Variants in TBXAS1 observed in about 807,000 individuals in gnomAD.
TBXAS1 encodes the protein thromboxane A synthase 1, also known as thromboxane-A synthase.
TBXAS1 carries 48 observed loss-of-function variants against 60.7 expected under a neutral mutation model. That is an observed-to-expected ratio of 0.79 (90% CI 0.63 to 1.01). The LOEUF (loss-of-function observed/expected upper bound fraction) is 1.01. Ranked by LOEUF, TBXAS1 falls within the 50% of genes least tolerant of loss-of-function variation. TBXAS1 has a pLI of 0.00. For missense variants in TBXAS1, 685 were observed against 686.3 expected, an observed-to-expected ratio of 1.00 and a Z score of 0.02; for synonymous variants, 287 against 269.7, an observed-to-expected ratio of 1.06 and a Z score of -0.63.
At position 139,861,174 on chromosome 7, in the gene TBXAS1, C is replaced by CAAA. The variant is rs11336231; in HGVS notation, c.90-11046_90-11044dup. 2.5e-4 allele frequency among the ~76,000 whole-genome samples: 32 copies of CAAA among 130,014 alleles called. 1 individual carries two copies. The highest frequency in any genetic ancestry group is 7.4e-3 in the Middle Eastern group (2 of 272). The allele number at this position is 130,014 out of a possible 152,430, so 85.3% of individuals were successfully genotyped here. A position where few individuals can be genotyped will look rare whatever the true frequency, so the allele number is the denominator to read the frequency against. On this transcript the variant is annotated intron_variant, in intron 1 of 12. Coordinates refer to ENST00000448866, the MANE Select transcript of TBXAS1 (RefSeq NM_001061.7). The stretch of plus-strand genomic sequence containing the variant: ...GGGCAACAAGAGTGAAACTCTGTCT[C>CAAA]AAAAAAAAAAAAAAAAATTCTTCAC...
At chr7:139,780,051 G>C (rs2117214100) in intron 1 of TBXAS1, among the ~76,000 whole-genome samples, 2 of 152,280 alleles carry the variant, frequency 1.3e-5, no homozygotes, top group Middle Eastern at 3.4e-3. Context: ...TCAAATCCTA[G>C]CTCTTCCACT....
At chr7:140,002,922 G>A (rs1217244715) in intron 9 of TBXAS1, among the ~76,000 whole-genome samples, 7 of 151,958 alleles carry the variant, frequency 4.6e-5, no homozygotes, top group Non-Finnish European at 1.0e-4. Context: ...TCAGGAGTTC[G>A]AGACCAGCCT....
At position 139,956,437 on chromosome 7, in the gene TBXAS1, C is replaced by T. The variant is rs573129379; in HGVS notation, c.688+830C>T. Among the ~76,000 whole-genome samples, 8 of 152,362 alleles carry T rather than the reference C, an allele frequency of 5.3e-5. No individual in the cohort carries two copies. The South Asian group carries it at 1.7e-3, about 32-fold the overall frequency. ...CTGGGATTACAAGCGTGAGCCACCA[C>T]ACCAGGACTTATTTTATTTTTATTG... On this transcript the variant is annotated intron_variant, in intron 7 of 12. Transcript: ENST00000448866.
intron 3 of TBXAS1, among the ~76,000 whole-genome samples, chr7:139,892,142 G>A (rs1205235860): frequency 6.6e-6 from 1 of 152,144 alleles, no homozygotes; most frequent in Non-Finnish European, 1.5e-5. Flanking sequence ...TCCTACTCCC[G>A]AAGAGCTGAT....
At chr7:139,836,669 A>G (rs1799087240) in intron 1 of TBXAS1, among the ~76,000 whole-genome samples, 1 of 152,238 alleles carries the variant, frequency 6.6e-6, no homozygotes, top group Non-Finnish European at 1.5e-5. Context: ...TCAACCCAAG[A>G]TGAGTTAAAG....
At chr7:139,957,963 A>G (rs1279748006) in intron 8 of TBXAS1, among the ~76,000 whole-genome samples, 199 bp downstream of exon 8, 2 of 152,090 alleles carry the variant, frequency 1.3e-5, no homozygotes, top group African/African-American at 4.8e-5. Flanking sequence ...GGAGGGTGGG[A>G]CGGCAGAGAG....
At chr7:139,805,868 T>C (rs1456688851) in intron 4 of TBXAS1, among the ~76,000 whole-genome samples, 1 of 149,144 alleles carries the variant, frequency 6.7e-6, no homozygotes, top group African/African-American at 2.5e-5. Flanking sequence ...CAAGCAATTC[T>C]CCTGCTTCAG....
rs1569492516 is a variant in TBXAS1, at chr7:139,805,712, T to TCTCTCTC, written c.-80+18286_-80+18287insCTCTCTC. The stretch of plus-strand genomic sequence containing the variant: ...TTTCTTTCTTTCTTTCTTTCTTTCT[T>TCTCTCTC]TCTCTCTCTCTCTCTCTCTTTCTTT... On this transcript the variant is annotated intron_variant, in intron 4 of 16. Transcript: ENST00000336425. Among the ~76,000 whole-genome samples, 164 of 44,342 alleles carry TCTCTCTC rather than the reference T, an allele frequency of 3.7e-3. 2 individuals carry two copies. The highest frequency in any genetic ancestry group is 0.022 in the Middle Eastern group (2 of 92). The allele number at this position is 44,342 out of a possible 152,430, so 29.1% of individuals were successfully genotyped here.
intron 5 of TBXAS1, among the ~76,000 whole-genome samples, chr7:139,940,061 A>G (rs1212455556): frequency 3.9e-5 from 6 of 152,226 alleles, no homozygotes; most frequent in Non-Finnish European, 8.8e-5. Context: ...GGTGCCATCC[A>G]GAACAAGGAA....
intron 8 of TBXAS1, among the ~76,000 whole-genome samples, chr7:139,958,011 G>A (rs1052818115): frequency 1.3e-4 from 20 of 152,246 alleles, no homozygotes; most frequent in African/African-American, 4.8e-4. Flanking sequence ...GACACGGACG[G>A]GTAGAATTAA....
At chr7:139,958,342 T>C (rs920802168) in intron 8 of TBXAS1, among the ~76,000 whole-genome samples, 3 of 152,212 alleles carry the variant, frequency 2.0e-5, no homozygotes, top group Non-Finnish European at 2.9e-5. Flanking sequence ...ATTTGCACTA[T>C]GCTTGGCACA....
chr7:139,877,730 T>G (rs995338826), intron 3 of TBXAS1, among the ~76,000 whole-genome samples: 12 of 140,708 alleles, frequency 8.5e-5, no homozygotes, highest in African/African-American at 3.2e-4. Context: ...GTCTATTGCT[T>G]TTTTTTTTTT....
At chr7:139,867,360 C>T (rs1195581684) in intron 1 of TBXAS1, among the ~76,000 whole-genome samples, 2 of 152,226 alleles carry the variant, frequency 1.3e-5, no homozygotes, top group Admixed American at 1.3e-4. Context: ...CTGCACACCA[C>T]AGGAGAAGCC....
In TBXAS1 at chr7:139,944,201, C is replaced by CA. The variant is rs763145165; in HGVS notation, c.450+7894_450+7895insA. Reference sequence around the variant, plus strand: ...GCAGGGAGGAAGCAGTGAGTAGCACCGGAATTGAGCTCTGAAGATTTTGCT... The same window carrying CA: ...GCAGGGAGGAAGCAGTGAGTAGCACCAGGAATTGAGCTCTGAAGATTTTGCT... On this transcript the variant is annotated intron_variant, in intron 5 of 12. Transcript: ENST00000448866. 5.1e-4 allele frequency among the ~76,000 whole-genome samples: 77 copies of CA among 152,194 alleles called. 1 individual carries two copies. Among genetic ancestry groups the CA allele is most frequent in the Admixed American group, 1.0e-3 (16 of 15,278 alleles).
chr7:139,957,952 G>C (rs368848118), intron 8 of TBXAS1, among the ~76,000 whole-genome samples, 188 bp downstream of exon 8: 2 of 152,258 alleles, frequency 1.3e-5, no homozygotes, highest in African/African-American at 4.8e-5. Context: ...AGACAAGAAA[G>C]GGAGGGTGGG....
chr7:139,800,462 A>C (rs561262737), intron 4 of TBXAS1, among the ~76,000 whole-genome samples: 1 of 152,100 alleles, frequency 6.6e-6, no homozygotes, highest in Non-Finnish European at 1.5e-5. Context: ...AAATATCTTC[A>C]GAGAAGCCCT....
chr7:139,976,723 T>C (rs1811589507), intron 9 of TBXAS1, among the ~76,000 whole-genome samples: 1 of 152,152 alleles, frequency 6.6e-6, no homozygotes, highest in Non-Finnish European at 1.5e-5. Context: ...GAGTGAGGCC[T>C]GGGCTTCTTA....
chr7:139,801,918 T>G (rs1797733695), intron 4 of TBXAS1, among the ~76,000 whole-genome samples: 1 of 152,168 alleles, frequency 6.6e-6, no homozygotes. Context: ...TGCACGCCAC[T>G]GTGTCTGGCT....
At chr7:139,870,538 C>A (rs1801741371) in intron 1 of TBXAS1, among the ~76,000 whole-genome samples, 1 of 152,198 alleles carries the variant, frequency 6.6e-6, no homozygotes, top group Admixed American at 6.5e-5. Context: ...GAAAGAATAA[C>A]TTTTACCAAC....
Sources: allele counts gnomAD v4.1 joint callset (sites outside exome capture counted in the v4.1 genomes callset), GRCh38; gene constraint gnomAD v4.1.1; transcripts MANE v1.5; gene names NCBI Gene and HGNC (gene_info 2026-07-23, HGNC 2026-07-21).